PHRF1: variants seen among roughly 807,000 people sequenced by gnomAD.
PHRF1 encodes PHD and ring finger domains 1.
Under a neutral mutation model 128.9 loss-of-function variants are expected in PHRF1, and 53 were observed. The ratio of observed to expected loss-of-function variants is 0.41; its 90% CI spans 0.33 to 0.52. The LOEUF (loss-of-function observed/expected upper bound fraction) is 0.52, where lower values mean the gene tolerates loss of function less well. Among genes scored for constraint, PHRF1 ranks in the 20% least tolerant of loss-of-function variants. The probability of loss-of-function intolerance (pLI) is 0.21; values close to 1 mark genes in which losing one functional copy is unlikely to be tolerated. For missense variants in PHRF1, 2,503 were observed against 2,284.5 expected, an observed-to-expected ratio of 1.10 and a Z score of -1.95; for synonymous variants, 1,178 against 980.6, an observed-to-expected ratio of 1.20 and a Z score of -3.76.
At position 607,260 on chromosome 11, in the gene PHRF1, C is replaced by T; in HGVS notation, c.1804C>T (p.Leu602=). 1 of 1,612,618 alleles carries T rather than the reference C, an allele frequency of 6.2e-7. No homozygotes were observed. Among genetic ancestry groups the T allele is most frequent in the Non-Finnish European group, 8.5e-7 (1 of 1,179,838 alleles). ...PARTAGAPVR[L]DLPAAPGAVQ... is the part of the protein sequence containing the mutation. The stretch of plus-strand genomic sequence containing the variant: ...CCGCACCGCGGGGGCGCCTGTGAGG[C>T]TGGACTTGCCAGCAGCCCCTGGGGC... Residue 602 remains leucine (L), a synonymous_variant, in exon 14 of 18, where the codon CTG becomes TTG. Transcript: ENST00000264555.
At chr11:581,658 G>A (rs1361689860) in intron 2 of PHRF1, 52 bp downstream of exon 2, 19 of 1,515,864 alleles carry the variant, frequency 1.3e-5, no homozygotes, top group Non-Finnish European at 1.6e-5. Flanking sequence ...CAGGGTGCCT[G>A]GTGTTTCCCT....
chr11:587,284 G>A lies in PHRF1; in HGVS notation c.240G>A (p.Gly80=). 6.2e-7 allele frequency: 1 copy of A among 1,613,542 alleles called. No individual in the cohort carries two copies. Among genetic ancestry groups the A allele is most frequent in the Non-Finnish European group, 8.5e-7 (1 of 1,179,878 alleles). ...RSGSEDSEDD[G]ETLLEVAGTQ... is the part of the protein sequence containing the mutation. ...GTTCCGAGGATTCTGAAGACGACGG[G>A]GAGACATTGCTGGAGGTAGCGGGTA... Residue 80 remains glycine (G), a synonymous_variant, in exon 4 of 18, where the codon GGG becomes GGA. Transcript: ENST00000264555.
chr11:576,697 C>G (rs1252229224), intron 1 of PHRF1, 105 bp downstream of exon 1: 1 of 147,556 alleles, frequency 6.8e-6, no homozygotes, highest in Non-Finnish European at 1.5e-5. Flanking sequence ...CGGGGCGAGG[C>G]CTGCGCCGCG....
intron 10 of PHRF1, among the ~76,000 whole-genome samples, chr11:603,729 G>GTTTTTTT (rs71022937): frequency 1.0e-3 from 82 of 78,218 alleles, no homozygotes; most frequent in Admixed American, 1.4e-3. Flanking sequence ...ATTTAAGTTT[G>GTTTTTTT]TTTTTTTTTT....
chr11:577,809 C>T (rs6598011), intron 1 of PHRF1, among the ~76,000 whole-genome samples: 41,167 of 152,276 alleles, frequency 0.27, 7,207 homozygotes, highest in East Asian at 0.65. Context: ...GCACCCCGGA[C>T]ACCAGAGGCC....
chr11:577,836 A>G (rs1001552218), intron 1 of PHRF1, among the ~76,000 whole-genome samples: 3 of 152,230 alleles, frequency 2.0e-5, no homozygotes, highest in African/African-American at 7.2e-5. Flanking sequence ...ATTCCTTAGT[A>G]ACAGTTGGGA....
At position 608,582 on chromosome 11, in the gene PHRF1, C is replaced by T. The variant is rs758851837; in HGVS notation, c.3126C>T (p.Pro1042=). The change falls in exon 14 of 18, where the codon CCC becomes CCT. Residue 1042 remains proline, a synonymous_variant. Transcript: ENST00000264555. ...CACCATCAGTGGGTGAGGAGCGCCCCAGGAGGCAGCGGTCCAAGGCCAAGA... is the reference window on the plus strand; with the variant it reads ...CACCATCAGTGGGTGAGGAGCGCCCTAGGAGGCAGCGGTCCAAGGCCAAGA... The part of the protein sequence containing the change: ...SASPSVGEER[P]RRQRSKAKSR... 3.7e-6 allele frequency: 6 copies of T among 1,612,102 alleles called. No individual in the cohort carries two copies. The African/African-American group carries it at 8.0e-5, about 22-fold the overall frequency.
chr11:597,148 G>T lies in PHRF1; in HGVS notation c.718+128G>T, dbSNP rs1481971826. 2.4e-5 allele frequency: 26 copies of T among 1,087,750 alleles called. No homozygotes were observed. The Admixed American group carries it at 5.1e-4, about 21-fold the overall frequency. 67.4% of individuals were successfully genotyped at this position (1,087,750 alleles called of 1,614,324 possible). A position where few individuals can be genotyped will look rare whatever the true frequency, so the allele number is the denominator to read the frequency against. On this transcript the variant is annotated intron_variant, in intron 7 of 17. Coordinates refer to ENST00000264555, the MANE Select transcript of PHRF1 (RefSeq NM_001286581.2). This position sits in a 1 kb window ranked among gnomAD's most constrained non-coding sequence, Gnocchi z 6.5. ...GGCTGTCTCATGGGGGTTAGGGTTG[G>T]CTGCGGTGTCGGGAGGACATCTAGG...
In PHRF1 at chr11:607,460, G is replaced by C. The variant is rs754289507; in HGVS notation, c.2004G>C (p.Lys668Asn). 5 of 1,612,850 alleles carry C rather than the reference G, an allele frequency of 3.1e-6. No homozygotes were observed. In the South Asian group the frequency reaches 5.5e-5, roughly 18 times the overall value. The change falls in exon 14 of 18, where the codon AAG becomes AAC. Residue 668 changes from lysine to asparagine, a missense_variant. Coordinates refer to ENST00000264555, the MANE Select transcript of PHRF1 (RefSeq NM_001286581.2). ...CRSVVPGPPL[K>N]PAPRRTDISE... is the part of the protein sequence containing the mutation. ...GTGTGGTGCCGGGGCCTCCCCTGAA[G>C]CCAGCGCCCAGAAGAACAGACATCT...
At chr11:577,977 C>T (rs1853987784) in intron 1 of PHRF1, among the ~76,000 whole-genome samples, 2 of 152,260 alleles carry the variant, frequency 1.3e-5, no homozygotes, top group Non-Finnish European at 2.9e-5. Context: ...CACCCCAGAG[C>T]TCTGCTAGCC....
intron 6 of PHRF1, among the ~76,000 whole-genome samples, chr11:593,554 C>T (rs1564848949): frequency 6.6e-6 from 1 of 152,254 alleles, no homozygotes; most frequent in Non-Finnish European, 1.5e-5. Context: ...CCTGTCACCT[C>T]GTTGTTAGCC....
At chr11:584,479 G>C (rs1180668499) in intron 3 of PHRF1, among the ~76,000 whole-genome samples, 5 of 152,150 alleles carry the variant, frequency 3.3e-5, no homozygotes, top group Non-Finnish European at 7.4e-5. Context: ...AGCTGTGGGC[G>C]TCCAGGGGAG....
Position 608,713 on chromosome 11 carries a change from G to A in PHRF1, c.3257G>A (p.Arg1086Gln), listed in dbSNP as rs748761640. The A allele has an allele frequency of 1.2e-5, 20 of 1,611,200 alleles. No homozygotes were observed. The highest frequency in any genetic ancestry group is 5.3e-5 in the African/African-American group (4 of 75,016). Residue 1086 changes from arginine (R) to glutamine (Q), a missense_variant, in exon 14 of 18, where the codon CGG becomes CAG. Physicochemically the swap from Arg to Gln is conservative, Grantham distance 43. Transcript: ENST00000264555. ...AGGCGGGGCCCCTGGGGCCACAGCC[G>A]GAGGACGTCCCGGTCGCGGTCGGGG... is the stretch of plus-strand genomic sequence containing the variant. ...EHRRGPWGHS[R>Q]RTSRSRSGSP...
At chr11:589,583 A>G (rs1252804268) in intron 4 of PHRF1, among the ~76,000 whole-genome samples, 2 of 152,210 alleles carry the variant, frequency 1.3e-5, no homozygotes, top group African/African-American at 4.8e-5. Context: ...TCGGGGGGGC[A>G]GGAGGCGCCT....
intron 1 of PHRF1, among the ~76,000 whole-genome samples, chr11:580,059 T>C (rs1277427086): frequency 2.0e-5 from 3 of 152,214 alleles, no homozygotes; most frequent in Non-Finnish European, 4.4e-5. Flanking sequence ...TCTGGCCCCC[T>C]ACTTCCTGGC....
chr11:605,106 T>G lies in PHRF1; in HGVS notation c.1153-13T>G. 1.3e-6 allele frequency: 2 copies of G among 1,599,648 alleles called. No individual in the cohort carries two copies. The highest frequency in any genetic ancestry group is 1.7e-6 in the Non-Finnish European group (2 of 1,168,922). On this transcript the variant is annotated splice_polypyrimidine_tract_variant and intron_variant, in intron 10 of 17. Coordinates refer to ENST00000264555, the MANE Select transcript of PHRF1 (RefSeq NM_001286581.2). The stretch of plus-strand genomic sequence containing the variant: ...GTCTCTCTGTTCATCTTTTTCTTTG[T>G]TACTGGATTCAGAGTGAAGCCACCA...
chr11:604,878 G>A (rs889096487), intron 10 of PHRF1, among the ~76,000 whole-genome samples: 13 of 152,166 alleles, frequency 8.5e-5, no homozygotes, highest in Admixed American at 6.6e-4. Flanking sequence ...CTACTACGAC[G>A]TGATGGTGAC....
At position 607,558 on chromosome 11, in the gene PHRF1, G is replaced by T; in HGVS notation, c.2102G>T (p.Gly701Val). The change falls in exon 14 of 18, where the codon GGG (glycine) becomes GTG (valine). Residue 701 changes from glycine to valine, a missense_variant. Physicochemically the swap from Gly to Val is moderately radical, Grantham distance 109. Transcript: ENST00000264555. ...AGACGGGATGCGGCCCCGGCCCACG[G>T]GCAGAGCATTGAGATCCCCAGTGCC... ...GGRRDAAPAH[G>V]QSIEIPSACI... 6.2e-7 allele frequency: 1 copy of T among 1,612,632 alleles called. No individual in the cohort carries two copies. The highest frequency in any genetic ancestry group is 1.3e-5 in the African/African-American group (1 of 75,064).
intron 4 of PHRF1, among the ~76,000 whole-genome samples, chr11:590,723 G>A (rs1216923095): frequency 6.6e-6 from 1 of 151,940 alleles, no homozygotes; most frequent in African/African-American, 2.4e-5. Context: ...TTTTTTTTGA[G>A]ATGGAGTTTG....
Sources: gnomAD v4.1 joint callset for allele counts (sites outside exome capture counted in the v4.1 genomes callset) on GRCh38, gnomAD v4.1.1 for gene constraint, Gnocchi (gnomAD v3.1) non-coding constraint, MANE v1.5 for transcripts, NCBI Gene and HGNC (gene_info 2026-07-23, HGNC 2026-07-21) for gene names.